Variants in TRAM2 observed in about 807,000 individuals in gnomAD.
TRAM2 encodes translocation associated membrane protein 2.
A neutral mutation model predicts 51.0 loss-of-function variants in TRAM2; 12 were observed. The observed-to-expected ratio is 0.24, with a 90% CI of 0.15 to 0.38. The LOEUF (loss-of-function observed/expected upper bound fraction) is 0.38, where lower values mean the gene tolerates loss of function less well. Among genes scored for constraint, TRAM2 ranks in the 10% least tolerant of loss-of-function variants. TRAM2 has a pLI of 1.00. For synonymous variants in TRAM2, 175 were observed against 179.4 expected (o/e 0.98, Z 0.20); for missense variants, 361 against 462.0 (o/e 0.78, Z 2.00).
chr6:52,529,470 G>A (rs1210999709), intron 2 of TRAM2: 3 of 152,044 alleles, frequency 2.0e-5, no homozygotes, highest in Non-Finnish European at 2.9e-5. Flanking sequence ...AGGAATCTCC[G>A]GAGCTCTTGT....
intron 1 of TRAM2, among the ~76,000 whole-genome samples, chr6:52,545,653 G>A (rs1381180983): frequency 6.7e-6 from 1 of 149,108 alleles, no homozygotes; most frequent in Non-Finnish European, 1.5e-5. Flanking sequence ...AGGAACCAAG[G>A]CCATGGCCTT....
chr6:52,551,024 T>C (rs1020562625), intron 1 of TRAM2, among the ~76,000 whole-genome samples: 6 of 152,206 alleles, frequency 3.9e-5, no homozygotes, highest in Non-Finnish European at 7.3e-5. Context: ...GAAATGGTTT[T>C]CTTTAGGCAT....
chr6:52,551,115 T>TC (rs1767300914), intron 1 of TRAM2, among the ~76,000 whole-genome samples: 1 of 152,224 alleles, frequency 6.6e-6, no homozygotes, highest in Non-Finnish European at 1.5e-5. Flanking sequence ...CCTGAGTTTT[T>TC]CAAGGGGGCC....
chr6:52,514,675 G>C (rs538998273), intron 4 of TRAM2, among the ~76,000 whole-genome samples: 19 of 152,348 alleles, frequency 1.2e-4, no homozygotes, highest in African/African-American at 4.1e-4. Context: ...TGGAATGTTT[G>C]GGGGTGAAGT....
In TRAM2 at chr6:52,535,823, T is replaced by C. The variant is rs751666421; in HGVS notation, c.144A>G (p.Leu48=). ...MFEVTAKTAF[L]FILPQYNISV... is the part of the protein sequence containing the mutation. ...TAATGTTATACTGAGGTAAAATAAA[T>C]AGAAAGGCAGTCTTGGCTGTGACCT... Residue 48 remains leucine, a synonymous_variant, in exon 2 of 11, where the codon CTA becomes CTG. Transcript: ENST00000182527. 4.3e-6 allele frequency: 7 copies of C among 1,613,982 alleles called. No homozygotes were observed. Among genetic ancestry groups the C allele is most frequent in the African/African-American group, 1.3e-5 (1 of 75,008 alleles).
intron 1 of TRAM2, among the ~76,000 whole-genome samples, chr6:52,542,336 A>C (rs1767116879): frequency 6.7e-6 from 1 of 150,104 alleles, no homozygotes; most frequent in Non-Finnish European, 1.5e-5. Context: ...CCCACTGATC[A>C]CCTGCATGCG....
At chr6:52,521,753 AAATAAAAAT>A (rs1766680412) in intron 2 of TRAM2, among the ~76,000 whole-genome samples, 1 of 151,754 alleles carries the variant, frequency 6.6e-6, no homozygotes, top group Admixed American at 6.6e-5. Context: ...AAATAAAATA[AAATAAAAAT>A]AAATAAATAA....
intron 2 of TRAM2, chr6:52,524,039 G>A (rs995995417): frequency 1.1e-4 from 16 of 152,212 alleles, no homozygotes; most frequent in African/African-American, 3.6e-4. Context: ...GTAAGCAATA[G>A]AGCGATTTAA....
chr6:52,523,763 A>G (rs1766721750), intron 2 of TRAM2: 1 of 152,252 alleles, frequency 6.6e-6, no homozygotes, highest in Non-Finnish European at 1.5e-5. Flanking sequence ...ACAAGGTTAC[A>G]CACCACAGCA....
intron 2 of TRAM2, among the ~76,000 whole-genome samples, chr6:52,531,114 G>A (rs1425063803): frequency 1.4e-5 from 1 of 69,344 alleles, no homozygotes; most frequent in Non-Finnish European, 2.7e-5. Context: ...ATTTACCCTG[G>A]TTATGCAAAA....
At chr6:52,572,414 G>C (rs1026598167) in intron 1 of TRAM2, among the ~76,000 whole-genome samples, 1 of 152,320 alleles carries the variant, frequency 6.6e-6, no homozygotes, top group African/African-American at 2.4e-5. Flanking sequence ...GACCAGCCTA[G>C]CCAACATGGT....
At chr6:52,565,661 C>T (rs150764788) in intron 1 of TRAM2, among the ~76,000 whole-genome samples, 272 of 152,326 alleles carry the variant, frequency 1.8e-3, no homozygotes, top group Non-Finnish European at 3.3e-3. Context: ...AATGGATCCA[C>T]CAGTCCTCTT....
intron 1 of TRAM2, among the ~76,000 whole-genome samples, chr6:52,562,607 C>T (rs571361731): frequency 3.3e-5 from 5 of 152,114 alleles, no homozygotes; most frequent in Non-Finnish European, 7.3e-5. Context: ...ATGTGCAGAA[C>T]GTGCAGTTTT....
intron 1 of TRAM2, among the ~76,000 whole-genome samples, chr6:52,546,832 G>A (rs1767210399): frequency 6.6e-6 from 1 of 152,156 alleles, no homozygotes. Flanking sequence ...CCCCAGGGAG[G>A]ACCAGTCAAC....
chr6:52,558,886 C>A (rs930718356), intron 1 of TRAM2, among the ~76,000 whole-genome samples: 1 of 152,158 alleles, frequency 6.6e-6, no homozygotes, highest in African/African-American at 2.4e-5. Flanking sequence ...AAATCACACA[C>A]CATTAATTCC....
Position 52,504,599 on chromosome 6 carries a change from C to T in TRAM2, c.1031G>A (p.Arg344Lys). ...TPRLPARLIK[R>K]ESGYHENGVV... ...AGGGCCCTGGCACTCACCAGATTCCCTCTTGATGAGCCTGGCTGGTAGTCT... is the reference window on the plus strand; with the variant it reads ...AGGGCCCTGGCACTCACCAGATTCCTTCTTGATGAGCCTGGCTGGTAGTCT... The change falls in exon 10 of 11, where the codon AGG (arginine) becomes AAG (lysine). Residue 344 changes from arginine (R) to lysine (K), a missense_variant. Physicochemically the swap from Arg to Lys is conservative, Grantham distance 26. Transcript: ENST00000182527. The T allele has an allele frequency of 6.2e-7, 1 of 1,614,184 alleles. No individual in the cohort carries two copies. The highest frequency in any genetic ancestry group is 8.5e-7 in the Non-Finnish European group (1 of 1,180,054).
Position 52,539,643 on chromosome 6 carries a change from G to A in TRAM2, c.121-3797C>T, listed in dbSNP as rs1767042999. On this transcript the variant is annotated intron_variant, in intron 1 of 10. Coordinates refer to ENST00000182527, the MANE Select transcript of TRAM2 (RefSeq NM_012288.4). Reference sequence around the variant, plus strand: ...GAAACATAAGCTGTAGGAGCGTGGGGATCTGACCTGCCTTGATGATCTGAC... The same window carrying A: ...GAAACATAAGCTGTAGGAGCGTGGGAATCTGACCTGCCTTGATGATCTGAC... Among the ~76,000 whole-genome samples, 3 of 152,138 alleles carry A rather than the reference G, an allele frequency of 2.0e-5. No homozygotes were observed. The South Asian group carries it at 6.2e-4, about 32-fold the overall frequency.
chr6:52,503,129 G>A lies in TRAM2; in HGVS notation c.*68C>T. ...ACAGGCAGGAAGGAGGAGGCAGGGA[G>A]GGGGCCTGGGCTCCTTGCCCCCTGC... On this transcript the variant is annotated 3_prime_UTR_variant, in exon 11 of 11. Transcript: ENST00000182527. The A allele has an allele frequency of 7.5e-7, 1 of 1,340,254 alleles. No homozygotes were observed. The highest frequency in any genetic ancestry group is 1.1e-6 in the Non-Finnish European group (1 of 931,394). 83.0% of individuals were successfully genotyped at this position (1,340,254 alleles called of 1,614,324 possible).
At chr6:52,534,393 A>AAAC (rs1286966085) in intron 2 of TRAM2, among the ~76,000 whole-genome samples, 1 of 152,200 alleles carries the variant, frequency 6.6e-6, no homozygotes, top group Non-Finnish European at 1.5e-5. Context: ...ACAAACAAAC[A>AAAC]AACAACAACA....
Sources: gnomAD v4.1 joint callset for allele counts (sites outside exome capture counted in the v4.1 genomes callset) on GRCh38, gnomAD v4.1.1 for gene constraint, MANE v1.5 for transcripts, NCBI Gene and HGNC (gene_info 2026-07-23, HGNC 2026-07-21) for gene names.